LPGAT1: variants seen among roughly 807,000 people sequenced by gnomAD.
LPGAT1 encodes lysophosphatidylglycerol acyltransferase 1.
Under a neutral mutation model 47.5 loss-of-function variants are expected in LPGAT1, and 11 were observed. That is an observed-to-expected ratio of 0.23 (90% confidence interval 0.15 to 0.38). The LOEUF is 0.38. Among genes scored for constraint, LPGAT1 ranks in the 10% least tolerant of loss-of-function variants. The probability of loss-of-function intolerance (pLI) is 1.00; values close to 1 mark genes in which losing one functional copy is unlikely to be tolerated. For synonymous variants in LPGAT1, 138 were observed against 144.2 expected (o/e 0.96, Z 0.31); for missense variants, 293 against 439.0 (o/e 0.67, Z 2.97).
intron 6 of LPGAT1, among the ~76,000 whole-genome samples, chr1:211,760,074 ATAGAGGATGGC>A (rs1423605951): frequency 6.6e-6 from 1 of 152,250 alleles, no homozygotes; most frequent in Non-Finnish European, 1.5e-5. Flanking sequence ...TCACTTAGGT[ATAGAGGATGGC>A]TAGTAGTGTT....
chr1:211,829,478 A>AG, intron 1 of LPGAT1, 155 bp from the exon 2 acceptor site: 1 of 1,438,264 alleles, frequency 7.0e-7, no homozygotes, highest in Non-Finnish European at 9.1e-7. Context: ...GAAATTCCAG[A>AG]GGGGGACAGA....
chr1:211,827,069 T>C (rs1660564299), intron 2 of LPGAT1, among the ~76,000 whole-genome samples: 1 of 152,260 alleles, frequency 6.6e-6, no homozygotes, highest in African/African-American at 2.4e-5. Context: ...TTTGACTTCT[T>C]GACTATTTTC....
intron 6 of LPGAT1, among the ~76,000 whole-genome samples, chr1:211,771,882 G>T (rs1658187798): frequency 6.6e-6 from 1 of 152,070 alleles, no homozygotes; most frequent in Non-Finnish European, 1.5e-5. Flanking sequence ...GTCTTGTAAG[G>T]AAGGGGTACC....
chr1:211,776,748 GA>G (rs201207999), intron 6 of LPGAT1, among the ~76,000 whole-genome samples: 94 of 109,464 alleles, frequency 8.6e-4, no homozygotes, highest in African/African-American at 1.4e-3. Flanking sequence ...CTTAACTGCA[GA>G]AAAAAAAAAA....
intron 4 of LPGAT1, among the ~76,000 whole-genome samples, chr1:211,785,251 T>C (rs1658829382): frequency 6.6e-6 from 1 of 152,210 alleles, no homozygotes; most frequent in African/African-American, 2.4e-5. Context: ...GTCAGTTTGC[T>C]GAAGTGAACT....
intron 6 of LPGAT1, among the ~76,000 whole-genome samples, chr1:211,761,379 C>G (rs539843814): frequency 4.3e-4 from 65 of 152,052 alleles, no homozygotes; most frequent in African/African-American, 1.2e-3. Flanking sequence ...GGCTCATAAC[C>G]AATTAGGGCC....
chr1:211,749,602 A>G lies in LPGAT1; in HGVS notation c.*297T>C, dbSNP rs1460842469. 1 of 314,182 alleles carries G rather than the reference A, an allele frequency of 3.2e-6. No homozygotes were observed. Among genetic ancestry groups the G allele is most frequent in the Non-Finnish European group, 5.9e-6 (1 of 170,772 alleles). 19.5% of individuals were successfully genotyped at this position (314,182 alleles called of 1,614,324 possible). ...CTGGTGGCAACAGAATTTCTCTCAGATAGTCTTCTAGGATGATTTTATGAT... is the reference window on the plus strand; with the variant it reads ...CTGGTGGCAACAGAATTTCTCTCAGGTAGTCTTCTAGGATGATTTTATGAT... On this transcript the variant is annotated 3_prime_UTR_variant, in exon 8 of 8. Transcript: ENST00000366997.
At chr1:211,778,835 T>C (rs1385928676) in intron 6 of LPGAT1, 83 bp downstream of exon 6, 1 of 1,170,186 alleles carries the variant, frequency 8.5e-7, no homozygotes, top group Non-Finnish European at 1.1e-6. Context: ...TACTGTGTGA[T>C]TAAAAACTAA....
chr1:211,782,726 C>T (rs1289959832), intron 5 of LPGAT1, among the ~76,000 whole-genome samples: 1 of 152,098 alleles, frequency 6.6e-6, no homozygotes, highest in Non-Finnish European at 1.5e-5. Context: ...CAGAGCAAGA[C>T]TGTCTCCCAA....
intron 7 of LPGAT1, 126 bp from the exon 8 acceptor site, chr1:211,750,176 C>T: frequency 3.9e-6 from 3 of 759,814 alleles, no homozygotes; most frequent in Non-Finnish European, 6.6e-6. Context: ...TCCAGTGCCC[C>T]AGAGGAGAGA....
chr1:211,825,001 C>CA (rs994115711), intron 2 of LPGAT1, among the ~76,000 whole-genome samples: 11 of 151,686 alleles, frequency 7.3e-5, no homozygotes, highest in African/African-American at 2.7e-4. Flanking sequence ...AAGCCCCCCC[C>CA]AAATAATGCC....
intron 2 of LPGAT1, among the ~76,000 whole-genome samples, chr1:211,802,406 G>C (rs1041742199): frequency 1.3e-5 from 2 of 151,556 alleles, no homozygotes; most frequent in South Asian, 4.2e-4. Flanking sequence ...GAAAAATAAA[G>C]AATCTGAGGA....
intron 6 of LPGAT1, among the ~76,000 whole-genome samples, chr1:211,766,343 A>G (rs1448189538): frequency 6.6e-6 from 1 of 152,084 alleles, no homozygotes; most frequent in Non-Finnish European, 1.5e-5. Flanking sequence ...CTCATAATAA[A>G]TCTCTTTCTA....
At chr1:211,753,143 T>G (rs1657275216) in intron 6 of LPGAT1, among the ~76,000 whole-genome samples, 1 of 152,188 alleles carries the variant, frequency 6.6e-6, no homozygotes. Flanking sequence ...CATTAGGAGG[T>G]CCCTTCACCA....
chr1:211,801,551 A>G (rs1659575134), intron 2 of LPGAT1, among the ~76,000 whole-genome samples: 1 of 152,046 alleles, frequency 6.6e-6, no homozygotes. Context: ...TCTCTACAAA[A>G]AAAATTTTTA....
At chr1:211,774,216 C>A (rs1298519460) in intron 6 of LPGAT1, among the ~76,000 whole-genome samples, 1 of 135,862 alleles carries the variant, frequency 7.4e-6, no homozygotes, top group Admixed American at 8.1e-5. Flanking sequence ...CTCACCACAA[C>A]CTCCATCTCC....
At chr1:211,809,022 C>T (rs1659865986) in intron 2 of LPGAT1, among the ~76,000 whole-genome samples, 1 of 151,568 alleles carries the variant, frequency 6.6e-6, no homozygotes, top group Non-Finnish European at 1.5e-5. Flanking sequence ...ACAGTGAAAC[C>T]CCGTCTCAAC....
chr1:211,768,073 T>C (rs994358102), intron 6 of LPGAT1, among the ~76,000 whole-genome samples: 1 of 152,216 alleles, frequency 6.6e-6, no homozygotes, highest in African/African-American at 2.4e-5. Flanking sequence ...AAAAGAATTA[T>C]GTAAATTAAA....
chr1:211,820,287 A>G (rs1390696883), intron 2 of LPGAT1, among the ~76,000 whole-genome samples: 1 of 152,210 alleles, frequency 6.6e-6, no homozygotes, highest in Admixed American at 6.5e-5. Flanking sequence ...CAAGGAAAAA[A>G]AGGTAACTGG....
Sources: allele counts gnomAD v4.1 joint callset (sites outside exome capture counted in the v4.1 genomes callset), GRCh38; gene constraint gnomAD v4.1.1; transcripts MANE v1.5; gene names NCBI Gene and HGNC (gene_info 2026-07-23, HGNC 2026-07-21).